SYTL2: variants seen among roughly 807,000 people sequenced by gnomAD.
SYTL2 encodes synaptotagmin like 2.
SYTL2 carries 165 observed loss-of-function variants against 198.7 expected under a neutral mutation model. The observed-to-expected ratio is 0.83, with a 90% CI of 0.73 to 0.94. The LOEUF (loss-of-function observed/expected upper bound fraction) is 0.94, where lower values mean the gene tolerates loss of function less well. SYTL2 is among the 40% of genes least tolerant of loss of function. SYTL2 has a pLI of 0.00. For missense variants in SYTL2, 2,835 were observed against 2,582.8 expected (o/e 1.10, Z -2.12); for synonymous variants, 966 against 917.7 (o/e 1.05, Z -0.95).
intron 1 of SYTL2, among the ~76,000 whole-genome samples, chr11:85,808,936 T>C (rs1000426554): frequency 6.6e-6 from 1 of 151,568 alleles, no homozygotes; most frequent in Non-Finnish European, 1.5e-5. Context: ...GTTTAAAAAT[T>C]CTTTGTAAAA....
chr11:85,828,932 A>G, the SYTL2 span, among the ~76,000 whole-genome samples: 1 of 152,190 alleles, frequency 6.6e-6, no homozygotes, highest in Non-Finnish European at 1.5e-5. Context: ...TCTTCTGTGC[A>G]GTAGCTCTCA....
chr11:85,842,856 T>C, the SYTL2 span, among the ~76,000 whole-genome samples: 34 of 152,160 alleles, frequency 2.2e-4, no homozygotes, highest in Admixed American at 6.5e-5. Context: ...TCAGGAAAGA[T>C]TGGGACCTGT....
At chr11:85,714,924 A>G (rs2086915072) in intron 11 of SYTL2, 1 of 158,686 alleles carries the variant, frequency 6.3e-6, no homozygotes, top group African/African-American at 2.4e-5. Flanking sequence ...TCATCTGGAC[A>G]GTCAAGATTT....
chr11:85,826,031 T>C, the SYTL2 span, among the ~76,000 whole-genome samples: 1 of 152,206 alleles, frequency 6.6e-6, no homozygotes, highest in African/African-American at 2.4e-5. Flanking sequence ...TAATTCCAGA[T>C]CCCATTCTCA....
chr11:85,786,995 A>C (rs17148488), intron 1 of SYTL2, among the ~76,000 whole-genome samples: 8,854 of 152,220 alleles, frequency 0.058, 821 homozygotes, highest in African/African-American at 0.2. Context: ...GAACTTTCTC[A>C]TCATAGTAGA....
chr11:85,735,739 A>G (rs1269703690), intron 6 of SYTL2, among the ~76,000 whole-genome samples: 1 of 152,246 alleles, frequency 6.6e-6, no homozygotes, highest in Admixed American at 6.5e-5. Context: ...CCTGGGCAAT[A>G]GAGTGGGACT....
Position 85,704,850 on chromosome 11 carries a change from G to A in SYTL2, c.6189+8C>T, listed in dbSNP as rs779308970. On this transcript the variant is annotated splice_region_variant and intron_variant, in intron 16 of 19. Coordinates refer to ENST00000359152, the MANE Select transcript of SYTL2 (RefSeq NM_206927.4). ...ACCAAATAAACAAACAAAAAATTCC[G>A]GACTCACCTTCCGCTTCAGAGGGTA... is the stretch of plus-strand genomic sequence containing the variant. The A allele has an allele frequency of 1.1e-5, 18 of 1,608,696 alleles. No individual in the cohort carries two copies. The highest frequency in any genetic ancestry group is 5.5e-5 in the South Asian group (5 of 90,354).
At chr11:85,854,164 C>T in the SYTL2 span, 1 of 152,158 alleles carries the variant, frequency 6.6e-6, no homozygotes, top group African/African-American at 2.4e-5. Context: ...CCACCGCGCC[C>T]TGCTATATTA....
At position 85,733,829 on chromosome 11, in the gene SYTL2, G is replaced by C. The variant is rs1455020364; in HGVS notation, c.1390+110C>G. On this transcript the variant is annotated intron_variant, in intron 7 of 19. Coordinates refer to ENST00000359152, the MANE Select transcript of SYTL2 (RefSeq NM_206927.4). ...TTAGCCAGGATGGTCTCGATCTCCT[G>C]ACCTCATGATCCACCCGCCTCGGCC... 15 of 792,604 alleles carry C rather than the reference G, an allele frequency of 1.9e-5. No individual in the cohort carries two copies. In the African/African-American group the frequency reaches 2.4e-4, roughly 13 times the overall value. The allele number at this position is 792,604 out of a possible 1,614,324, so 49.1% of individuals were successfully genotyped here.
chr11:85,710,010 A>G (rs992551544), intron 13 of SYTL2, among the ~76,000 whole-genome samples: 3 of 152,156 alleles, frequency 2.0e-5, no homozygotes, highest in Admixed American at 6.5e-5. Context: ...AATTTTCCCT[A>G]TAAGACATAG....
chr11:85,746,016 G>A (rs1181484234), intron 3 of SYTL2, among the ~76,000 whole-genome samples: 1 of 152,160 alleles, frequency 6.6e-6, no homozygotes, highest in Admixed American at 6.5e-5. Flanking sequence ...AAATGTGAGA[G>A]TAACTCCAGA....
chr11:85,817,897 C>CTTTTTT, the SYTL2 span, among the ~76,000 whole-genome samples: 22 of 119,868 alleles, frequency 1.8e-4, 9 homozygotes, highest in African/African-American at 2.4e-4. Context: ...ACCTTTGTGT[C>CTTTTTT]TTTTCTTTTT....
chr11:85,747,539 T>G (rs1288748500), intron 3 of SYTL2, among the ~76,000 whole-genome samples: 1 of 152,284 alleles, frequency 6.6e-6, no homozygotes, highest in Non-Finnish European at 1.5e-5. Flanking sequence ...GCATTTTTAT[T>G]TCCCCCCTCT....
intron 6 of SYTL2, among the ~76,000 whole-genome samples, chr11:85,735,129 C>T (rs2090205956): frequency 6.6e-6 from 1 of 152,158 alleles, no homozygotes; most frequent in Middle Eastern, 3.2e-3. Context: ...ATGAGGGAGG[C>T]TATGCCTGTG....
intron 1 of SYTL2, among the ~76,000 whole-genome samples, chr11:85,775,346 G>A (rs2092433727): frequency 6.6e-6 from 1 of 152,090 alleles, no homozygotes; most frequent in African/African-American, 2.4e-5. Flanking sequence ...AGAACATATT[G>A]GCCCACAGCA....
chr11:85,839,484 T>C, the SYTL2 span, among the ~76,000 whole-genome samples: 1 of 152,170 alleles, frequency 6.6e-6, no homozygotes, highest in Non-Finnish European at 1.5e-5. Context: ...GGTTGAACTC[T>C]CATGAGTTCA....
intron 7 of SYTL2, chr11:85,733,581 G>GT (rs67133901): frequency 1.4e-3 from 166 of 119,564 alleles, no homozygotes; most frequent in Middle Eastern, 5.1e-3. Flanking sequence ...AGCCCACCAA[G>GT]TTTTTTTTTT....
At chr11:85,697,948 C>A in intron 18 of SYTL2, 31 bp downstream of exon 18, 1 of 1,430,788 alleles carries the variant, frequency 7.0e-7, no homozygotes, top group Non-Finnish European at 9.9e-7. Flanking sequence ...GGCTACAGAA[C>A]TGTTGCAGAC....
intron 1 of SYTL2, among the ~76,000 whole-genome samples, chr11:85,801,404 T>C (rs1166990896): frequency 6.6e-6 from 1 of 152,236 alleles, no homozygotes; most frequent in Non-Finnish European, 1.5e-5. Context: ...TTGGAACAAT[T>C]TGGCTCCAAT....
Sources: gnomAD v4.1 joint callset for allele counts (sites outside exome capture counted in the v4.1 genomes callset) on GRCh38, gnomAD v4.1.1 for gene constraint, MANE v1.5 for transcripts, NCBI Gene and HGNC (gene_info 2026-07-23, HGNC 2026-07-21) for gene names.